Variants in ZNF83 observed in about 807,000 individuals in gnomAD.
ZNF83 encodes zinc finger protein 83, also known as zinc finger protein 816B.
For missense variants in ZNF83, 552 were observed against 629.9 expected (o/e 0.88, Z 1.32); for synonymous variants, 209 against 213.0 (o/e 0.98, Z 0.17).
chr19:52,633,972 CATT>C (rs1309114831), intron 2 of ZNF83, among the ~76,000 whole-genome samples: 1 of 151,534 alleles, frequency 6.6e-6, no homozygotes, highest in South Asian at 2.1e-4. Context: ...AATATATATT[CATT>C]ATTAATTGGT....
At chr19:52,619,645 T>C (rs981983729) in intron 2 of ZNF83, among the ~76,000 whole-genome samples, 3 of 151,342 alleles carry the variant, frequency 2.0e-5, no homozygotes, top group Non-Finnish European at 4.4e-5. Flanking sequence ...AAAAAAATGT[T>C]AGAAACTTTT....
chr19:52,643,169 TC>T (rs35877497), upstream of ZNF83, among the ~76,000 whole-genome samples: 78,658 of 151,398 alleles, frequency 0.52, 21,317 homozygotes, highest in East Asian at 0.71. Flanking sequence ...AGAGTGAGAC[TC>T]AAAAATACAA....
chr19:52,660,969 A>C (rs1297967314), intron 1 of ZNF83: 1 of 152,402 alleles, frequency 6.6e-6, no homozygotes, highest in Admixed American at 6.6e-5. Context: ...AGTTCAAGGA[A>C]TTCTCTTGCC....
chr19:52,624,415 C>G (rs974157981), intron 2 of ZNF83, among the ~76,000 whole-genome samples: 2 of 152,202 alleles, frequency 1.3e-5, no homozygotes, highest in Non-Finnish European at 2.9e-5. Context: ...TATAAAACAA[C>G]AACTCCTTTC....
intron 1 of ZNF83, among the ~76,000 whole-genome samples, chr19:52,671,888 C>T (rs556081681): frequency 6.6e-6 from 1 of 152,288 alleles, no homozygotes; most frequent in East Asian, 1.9e-4. Flanking sequence ...ACTAAGAATA[C>T]ATTGCAGTCA....
rs533074018 is a variant in ZNF83, at chr19:52,630,067, AC to A, written c.-234+4998del. Among the ~76,000 whole-genome samples the A allele has an allele frequency of 3.2e-4, 49 of 152,316 alleles. 1 individual carries two copies. The East Asian group carries it at 8.9e-3, about 28-fold the overall frequency. ...TGCTACAAGTGCCAGAAATCTGGCC[AC>A]TGGGCCAAGGAATGCCCGCAGCCCA... On this transcript the variant is annotated intron_variant, in intron 2 of 2. Transcript: ENST00000301096.
At chr19:52,653,408 C>T (rs2061468203) in intron 3 of ZNF83, 1 of 887,390 alleles carries the variant, frequency 1.1e-6, no homozygotes, top group African/African-American at 1.7e-5. Context: ...TAAGGTTTCT[C>T]TTCAGTATGA....
rs761455550 is a variant in ZNF83, at chr19:52,614,690, G to A, written c.-126C>T. ...TGGGTTTCTCTGAAGCAAAAATCTT[G>A]TATGTCGTGGCTTTCATGTCTTTCC... is the stretch of plus-strand genomic sequence containing the variant. On this transcript the variant is annotated 5_prime_UTR_variant, in exon 3 of 3. It introduces an in-frame stop codon into an upstream open reading frame of the 5' UTR. Transcript: ENST00000301096. 3.0e-4 allele frequency: 403 copies of A among 1,355,952 alleles called. No homozygotes were observed. The highest frequency in any genetic ancestry group is 3.4e-4 in the Non-Finnish European group (356 of 1,048,130). 84.0% of individuals were successfully genotyped at this position (1,355,952 alleles called of 1,614,324 possible).
At chr19:52,614,016 G>A in exon 3 of ZNF83, 1 of 1,613,008 alleles carries the variant, frequency 6.2e-7, no homozygotes, top group Non-Finnish European at 8.5e-7. Flanking sequence ...TAAAGACCTT[G>A]CCACATTCAT....
intron 1 of ZNF83, among the ~76,000 whole-genome samples, chr19:52,663,322 C>T (rs901281820): frequency 6.6e-6 from 1 of 152,046 alleles, no homozygotes; most frequent in Non-Finnish European, 1.5e-5. Flanking sequence ...AATTGTGAAC[C>T]CCTAGCTATA....
chr19:52,674,099 C>T (rs951142732), intron 1 of ZNF83: 1 of 151,960 alleles, frequency 6.6e-6, no homozygotes, highest in Non-Finnish European at 1.5e-5. Context: ...CAGACACAAC[C>T]CTCTGATATG....
chr19:52,687,147 C>T (rs903513324), intron 1 of ZNF83, among the ~76,000 whole-genome samples: 20 of 148,414 alleles, frequency 1.3e-4, no homozygotes, highest in African/African-American at 4.7e-4. Flanking sequence ...CAACATTGCC[C>T]TCCAGCCTGA....
chr19:52,618,868 G>A, intron 2 of ZNF83: 1 of 1,517,872 alleles, frequency 6.6e-7, no homozygotes. Context: ...CAACTCCCAA[G>A]AGAAACAAGA....
At chr19:52,659,749 A>C (rs911622775) in intron 2 of ZNF83, among the ~76,000 whole-genome samples, 1 of 152,238 alleles carries the variant, frequency 6.6e-6, no homozygotes, top group Non-Finnish European at 1.5e-5. Flanking sequence ...CACCTTAAGA[A>C]TATCCAACAT....
chr19:52,656,938 C>T (rs146915277), intron 2 of ZNF83, among the ~76,000 whole-genome samples: 17 of 151,860 alleles, frequency 1.1e-4, no homozygotes, highest in African/African-American at 2.9e-4. Flanking sequence ...ATCACACCTA[C>T]ACACACTTCA....
In ZNF83 at chr19:52,633,683, G is replaced by C. The variant is rs946906467; in HGVS notation, c.-234+1383C>G. On this transcript the variant is annotated intron_variant, in intron 2 of 2. Coordinates refer to ENST00000301096, the Ensembl canonical transcript of ZNF83. ...CCAGCACTTCGGGAGGCCCAAGGCA[G>C]GCGGATCACCTGAGGTCGGGAGTTT... Among the ~76,000 whole-genome samples the C allele has an allele frequency of 6.6e-5, 10 of 152,302 alleles. No homozygotes were observed. The East Asian group carries it at 1.7e-3, about 27-fold the overall frequency.
chr19:52,631,609 G>C (rs897843333), intron 2 of ZNF83, among the ~76,000 whole-genome samples: 1 of 152,156 alleles, frequency 6.6e-6, no homozygotes, highest in East Asian at 1.9e-4. Context: ...CATTGTTCCT[G>C]GCCCGGACTT....
intron 2 of ZNF83, among the ~76,000 whole-genome samples, chr19:52,623,322 T>C (rs9807850): frequency 0.23 from 34,651 of 151,968 alleles, 4,233 homozygotes; most frequent in African/African-American, 0.31. Context: ...GTTTAATTGA[T>C]ACAGGGGCTA....
chr19:52,665,751 G>A (rs1238226289), intron 1 of ZNF83, among the ~76,000 whole-genome samples: 3 of 152,152 alleles, frequency 2.0e-5, no homozygotes, highest in Admixed American at 6.5e-5. Flanking sequence ...CTAGCCGATA[G>A]GGGAATGACA....
Sources: allele counts gnomAD v4.1 joint callset (sites outside exome capture counted in the v4.1 genomes callset), GRCh38; gene constraint gnomAD v4.1.1; transcripts MANE v1.5; gene names NCBI Gene and HGNC (gene_info 2026-07-23, HGNC 2026-07-21).